The following BMERB1 variants were observed in gnomAD, a reference collection of about 807,000 sequenced individuals.
BMERB1 encodes the protein bMERB domain containing 1.
Under a neutral mutation model 23.6 loss-of-function variants are expected in BMERB1, and 12 were observed. The ratio of observed to expected loss-of-function variants is 0.51; its 90% CI spans 0.33 to 0.82. The LOEUF (loss-of-function observed/expected upper bound fraction) is 0.82. Ranked by LOEUF, BMERB1 falls within the 40% of genes least tolerant of loss-of-function variation. The pLI, the probability that BMERB1 is intolerant of heterozygous loss-of-function variation, is 0.03. For synonymous variants in BMERB1, 122 were observed against 96.6 expected, an observed-to-expected ratio of 1.26 and a Z score of -1.54; for missense variants, 247 against 255.4, an observed-to-expected ratio of 0.97 and a Z score of 0.22.
intron 2 of BMERB1, among the ~76,000 whole-genome samples, chr16:15,525,388 C>T (rs2150957360): frequency 6.6e-6 from 1 of 152,240 alleles, no homozygotes; most frequent in African/African-American, 2.4e-5. Flanking sequence ...TCCAAAATCC[C>T]ATGAGCCAAT....
chr16:15,514,803 G>A (rs1057236492), intron 1 of BMERB1, among the ~76,000 whole-genome samples: 2 of 151,818 alleles, frequency 1.3e-5, no homozygotes, highest in Admixed American at 6.6e-5. Context: ...AAACAAGGCC[G>A]GGTGCAGTGG....
chr16:15,548,787 T>C (rs1032834054), intron 2 of BMERB1, among the ~76,000 whole-genome samples: 9 of 152,194 alleles, frequency 5.9e-5, no homozygotes, highest in Admixed American at 2.6e-4. Context: ...AATTTACTTA[T>C]TATCAAAAGC....
chr16:15,573,055 G>T (rs757752339), intron 3 of BMERB1, among the ~76,000 whole-genome samples: 1 of 152,168 alleles, frequency 6.6e-6, no homozygotes, highest in Non-Finnish European at 1.5e-5. Flanking sequence ...CCAGTTGCGG[G>T]TATGTTTTTA....
chr16:15,577,613 C>T (rs2030899033), intron 3 of BMERB1, among the ~76,000 whole-genome samples: 1 of 152,172 alleles, frequency 6.6e-6, no homozygotes, highest in Non-Finnish European at 1.5e-5. Context: ...CACCGCTTGA[C>T]CTTTGATTTG....
At chr16:15,441,584 G>A (rs1244451897) in intron 1 of BMERB1, among the ~76,000 whole-genome samples, 1 of 152,012 alleles carries the variant, frequency 6.6e-6, no homozygotes, top group Non-Finnish European at 1.5e-5. Flanking sequence ...TTCCATGTTG[G>A]TCAGGCTGGT....
At chr16:15,449,249 G>T (rs915877680) in intron 1 of BMERB1, among the ~76,000 whole-genome samples, 2 of 152,148 alleles carry the variant, frequency 1.3e-5, no homozygotes, top group African/African-American at 4.8e-5. Flanking sequence ...GCAGCAACAT[G>T]GATGCAGCTG....
At chr16:15,585,696 G>A (rs1326955625) in intron 5 of BMERB1, among the ~76,000 whole-genome samples, 1 of 152,114 alleles carries the variant, frequency 6.6e-6, no homozygotes, top group Non-Finnish European at 1.5e-5. Context: ...CAGGCATGGT[G>A]GCGCACACCT....
chr16:15,485,167 ATGG>A (rs2051357290), intron 1 of BMERB1, among the ~76,000 whole-genome samples: 1 of 152,184 alleles, frequency 6.6e-6, no homozygotes, highest in African/African-American at 2.4e-5. Flanking sequence ...ACTGATTACC[ATGG>A]TGGGGGAGAG....
chr16:15,435,167 GA>G (rs1028354911), intron 1 of BMERB1, among the ~76,000 whole-genome samples: 2 of 152,232 alleles, frequency 1.3e-5, no homozygotes, highest in African/African-American at 4.8e-5. Context: ...CGTCCCTGGA[GA>G]GGGGGGAGTG....
chr16:15,533,395 CTTT>C (rs11379898), intron 2 of BMERB1, among the ~76,000 whole-genome samples: 2 of 141,262 alleles, frequency 1.4e-5, no homozygotes, highest in Admixed American at 7.1e-5. Flanking sequence ...TCGTTTCTTT[CTTT>C]TTTTTTTTTT....
intron 3 of BMERB1, among the ~76,000 whole-genome samples, chr16:15,568,422 G>A (rs2030637013): frequency 1.3e-5 from 2 of 152,084 alleles, no homozygotes; most frequent in Non-Finnish European, 2.9e-5. Context: ...TGGCTTACTT[G>A]AGGTCAGGAG....
chr16:15,471,888 A>G (rs112340465), intron 1 of BMERB1, among the ~76,000 whole-genome samples: 6 of 152,184 alleles, frequency 3.9e-5, no homozygotes, highest in Non-Finnish European at 7.4e-5. Context: ...CTCTTTCTTC[A>G]TATAAGCATT....
intron 1 of BMERB1, among the ~76,000 whole-genome samples, chr16:15,435,899 C>T (rs1201120674): frequency 6.6e-6 from 1 of 152,184 alleles, no homozygotes; most frequent in Non-Finnish European, 1.5e-5. Flanking sequence ...GGATGGATGT[C>T]ATAGCACTGC....
chr16:15,544,333 T>C (rs532091315), intron 2 of BMERB1, among the ~76,000 whole-genome samples: 17 of 152,360 alleles, frequency 1.1e-4, no homozygotes, highest in Non-Finnish European at 1.3e-4. Flanking sequence ...TTTGAAAATA[T>C]ACTTCAGCAT....
intron 1 of BMERB1, among the ~76,000 whole-genome samples, chr16:15,482,608 A>T (rs1175894873): frequency 6.6e-6 from 1 of 152,036 alleles, no homozygotes; most frequent in East Asian, 1.9e-4. Context: ...AGCAGCCATG[A>T]CTCATGCTAC....
At chr16:15,502,278 C>G in intron 1 of BMERB1, 1 of 1,550,940 alleles carries the variant, frequency 6.4e-7, no homozygotes, top group Non-Finnish European at 8.7e-7. Flanking sequence ...ACAATCATAG[C>G]CAGGATGTGA....
chr16:15,580,787 C>T (rs1038220592), intron 3 of BMERB1, among the ~76,000 whole-genome samples: 25 of 152,072 alleles, frequency 1.6e-4, no homozygotes, highest in Non-Finnish European at 2.8e-4. Flanking sequence ...CCTCGTGATC[C>T]GCCCACCTTG....
At chr16:15,524,811 A>G (rs2051890922) in intron 2 of BMERB1, among the ~76,000 whole-genome samples, 1 of 152,194 alleles carries the variant, frequency 6.6e-6, no homozygotes, top group Non-Finnish European at 1.5e-5. Flanking sequence ...TGTACTTGAC[A>G]AGCTCTTGCT....
At chr16:15,435,380 G>A (rs2050879539) in intron 1 of BMERB1, among the ~76,000 whole-genome samples, 1 of 152,192 alleles carries the variant, frequency 6.6e-6, no homozygotes, top group African/African-American at 2.4e-5. Context: ...AGGCAGTTTC[G>A]AAATAGACCG....
Sources: allele counts gnomAD v4.1 joint callset (sites outside exome capture counted in the v4.1 genomes callset), GRCh38; gene constraint gnomAD v4.1.1; transcripts MANE v1.5; gene names NCBI Gene and HGNC (gene_info 2026-07-23, HGNC 2026-07-21).